GABRB1: variants seen among roughly 807,000 people sequenced by gnomAD.
GABRB1 encodes the protein gamma-aminobutyric acid receptor subunit beta-1.
A neutral mutation model predicts 51.6 loss-of-function variants in GABRB1; 17 were observed. The observed-to-expected ratio is 0.33, with a 90% CI of 0.23 to 0.49. GABRB1 has a LOEUF of 0.49. Ranked by LOEUF, GABRB1 falls within the 20% of genes least tolerant of loss-of-function variation. The pLI, the probability that GABRB1 is intolerant of heterozygous loss-of-function variation, is 0.99. For missense variants in GABRB1, 410 were observed against 600.6 expected (o/e 0.68, Z 3.32); for synonymous variants, 247 against 218.9 (o/e 1.13, Z -1.14).
chr4:47,085,712 G>T (rs1426959356), intron 3 of GABRB1, among the ~76,000 whole-genome samples: 1 of 152,182 alleles, frequency 6.6e-6, no homozygotes. Flanking sequence ...ACATTCTCTG[G>T]ATTGACAATG....
At chr4:47,132,471 T>A (rs1716469007) in intron 3 of GABRB1, among the ~76,000 whole-genome samples, 1 of 152,142 alleles carries the variant, frequency 6.6e-6, no homozygotes, top group Non-Finnish European at 1.5e-5. Flanking sequence ...AAAAAAGCTT[T>A]AAGAGATATT....
chr4:47,039,633 A>G (rs368835001), intron 3 of GABRB1, among the ~76,000 whole-genome samples: 68 of 152,260 alleles, frequency 4.5e-4, no homozygotes, highest in African/African-American at 1.5e-3. Flanking sequence ...TTTCTAAGAC[A>G]TGATGAAGGG....
intron 5 of GABRB1, among the ~76,000 whole-genome samples, chr4:47,324,728 T>G (rs1369231802): frequency 1.3e-5 from 2 of 152,204 alleles, no homozygotes; most frequent in African/African-American, 2.4e-5. Context: ...GTACTAGCAC[T>G]CTTCTTGGCA....
chr4:47,045,546 C>T (rs535923964), intron 3 of GABRB1, among the ~76,000 whole-genome samples: 2 of 151,818 alleles, frequency 1.3e-5, no homozygotes, highest in Admixed American at 6.6e-5. Flanking sequence ...AAACAAGAGA[C>T]ATTTATCTCT....
At chr4:47,036,244 G>A (rs1366571057) in intron 3 of GABRB1, among the ~76,000 whole-genome samples, 3 of 152,110 alleles carry the variant, frequency 2.0e-5, no homozygotes, top group Non-Finnish European at 2.9e-5. Context: ...AAAATTCACT[G>A]TTTCTGTTGT....
At chr4:47,240,208 A>G (rs1578025424) in intron 4 of GABRB1, among the ~76,000 whole-genome samples, 2 of 152,122 alleles carry the variant, frequency 1.3e-5, no homozygotes, top group Non-Finnish European at 2.9e-5. Flanking sequence ...CAGATGCTAA[A>G]TTTTTCTGAG....
chr4:47,295,347 T>A (rs1578071572), intron 4 of GABRB1, among the ~76,000 whole-genome samples: 2 of 152,208 alleles, frequency 1.3e-5, no homozygotes, highest in East Asian at 3.9e-4. Context: ...GGCAAAGAAG[T>A]TAAAAACTTT....
At chr4:47,416,427 G>C (rs1225899636) in intron 8 of GABRB1, among the ~76,000 whole-genome samples, 1 of 151,686 alleles carries the variant, frequency 6.6e-6, no homozygotes, top group Admixed American at 6.6e-5. Context: ...GTAAACAGAA[G>C]ATATAAATAG....
intron 4 of GABRB1, among the ~76,000 whole-genome samples, chr4:47,165,290 C>A (rs1241909921): frequency 6.6e-6 from 1 of 152,002 alleles, no homozygotes; most frequent in African/African-American, 2.4e-5. Flanking sequence ...TCTTTACAGA[C>A]TTTGCTCCCC....
chr4:47,263,776 T>C (rs1722544079), intron 4 of GABRB1, among the ~76,000 whole-genome samples: 1 of 152,192 alleles, frequency 6.6e-6, no homozygotes, highest in Non-Finnish European at 1.5e-5. Context: ...AGCTAAATTC[T>C]TATGTATCTA....
chr4:47,253,456 T>C (rs1722069453), intron 4 of GABRB1, among the ~76,000 whole-genome samples: 1 of 152,228 alleles, frequency 6.6e-6, no homozygotes, highest in Non-Finnish European at 1.5e-5. Context: ...AGAGTAACTA[T>C]GGTAATTAAA....
At chr4:47,127,181 A>G (rs1247323555) in intron 3 of GABRB1, among the ~76,000 whole-genome samples, 1 of 151,842 alleles carries the variant, frequency 6.6e-6, no homozygotes, top group Non-Finnish European at 1.5e-5. Flanking sequence ...AAATCTTTAT[A>G]ATATTAATAA....
At position 47,403,551 on chromosome 4, in the gene GABRB1, C is replaced by T. The variant is rs1219152491; in HGVS notation, c.683-8C>T. ...GTCTGATTACTTGTCTTTTGTTTCT[C>T]AACTCAGGAGCGTATCCACGACTGT... On this transcript the variant is annotated splice_region_variant and splice_polypyrimidine_tract_variant and intron_variant, in intron 6 of 8. Transcript: ENST00000295454. 6.2e-7 allele frequency: 1 copy of T among 1,613,576 alleles called. No homozygotes were observed. Among genetic ancestry groups the T allele is most frequent in the Non-Finnish European group, 8.5e-7 (1 of 1,179,832 alleles).
intron 4 of GABRB1, among the ~76,000 whole-genome samples, chr4:47,260,556 T>C (rs541599775): frequency 7.0e-4 from 107 of 152,306 alleles, no homozygotes; most frequent in Non-Finnish European, 8.1e-4. Flanking sequence ...TGATTGTCTG[T>C]AAAGTATTTT....
chr4:47,253,332 G>C (rs1722065628), intron 4 of GABRB1, among the ~76,000 whole-genome samples: 1 of 152,218 alleles, frequency 6.6e-6, no homozygotes, highest in Admixed American at 6.5e-5. Flanking sequence ...AATTAAAACA[G>C]AAAGAAATAT....
In GABRB1 at chr4:47,378,073, C is replaced by T. The variant is rs111570383; in HGVS notation, c.545-25245C>T. On this transcript the variant is annotated intron_variant, in intron 5 of 8. Transcript: ENST00000295454. Reference sequence around the variant, plus strand: ...CTCAGCCCTTGGGTGGTCGATGGGACTGGGCGCCGTAGAGCAGGGGGTGGC... The same window carrying T: ...CTCAGCCCTTGGGTGGTCGATGGGATTGGGCGCCGTAGAGCAGGGGGTGGC... Among the ~76,000 whole-genome samples, 1,055 of 152,320 alleles carry T rather than the reference C, an allele frequency of 6.9e-3. 4 individuals are homozygous for T. The highest frequency in any genetic ancestry group is 0.023 in the African/African-American group (956 of 41,586).
intron 3 of GABRB1, among the ~76,000 whole-genome samples, chr4:47,065,301 T>C (rs1727028977): frequency 1.3e-5 from 2 of 152,240 alleles, no homozygotes; most frequent in African/African-American, 4.8e-5. Context: ...TAAAGATTTC[T>C]TCCCTTGAAC....
chr4:47,062,556 C>T (rs1726889033), intron 3 of GABRB1, among the ~76,000 whole-genome samples: 1 of 151,586 alleles, frequency 6.6e-6, no homozygotes, highest in Admixed American at 6.6e-5. Flanking sequence ...TGTCGTATAT[C>T]CTAGGAGAAT....
chr4:47,107,820 G>T (rs1364234970), intron 3 of GABRB1, among the ~76,000 whole-genome samples: 3 of 151,878 alleles, frequency 2.0e-5, no homozygotes, highest in Non-Finnish European at 4.4e-5. Flanking sequence ...CTTAAAACAG[G>T]ATTTTCCCAA....
Sources: allele counts gnomAD v4.1 joint callset (sites outside exome capture counted in the v4.1 genomes callset), GRCh38; gene constraint gnomAD v4.1.1; transcripts MANE v1.5; gene names NCBI Gene and HGNC (gene_info 2026-07-23, HGNC 2026-07-21).